Variants in KCTD16 observed in about 807,000 individuals in gnomAD.
KCTD16 encodes the protein BTB/POZ domain-containing protein KCTD16.
KCTD16 carries 13 observed loss-of-function variants against 33.2 expected under a neutral mutation model. That is an observed-to-expected ratio of 0.39 (90% CI 0.25 to 0.62). The LOEUF (loss-of-function observed/expected upper bound fraction) is 0.62. Among genes scored for constraint, KCTD16 ranks in the 20% least tolerant of loss-of-function variants. KCTD16 has a pLI of 0.50. For missense variants in KCTD16, 441 were observed against 525.1 expected (o/e 0.84, Z 1.57); for synonymous variants, 197 against 195.3 (o/e 1.01, Z -0.07).
At chr5:144,313,602 A>G (rs1751828372) in intron 3 of KCTD16, among the ~76,000 whole-genome samples, 1 of 152,208 alleles carries the variant, frequency 6.6e-6, no homozygotes, top group African/African-American at 2.4e-5. Flanking sequence ...TCTTTAATTT[A>G]ATGGCACTTA....
intron 3 of KCTD16, among the ~76,000 whole-genome samples, chr5:144,253,612 A>T (rs1246557438): frequency 6.6e-6 from 1 of 152,208 alleles, no homozygotes; most frequent in Non-Finnish European, 1.5e-5. Context: ...ACATGTGTCT[A>T]TAGAAAATAA....
At chr5:144,399,631 A>G (rs2126945108) in intron 3 of KCTD16, among the ~76,000 whole-genome samples, 1 of 152,356 alleles carries the variant, frequency 6.6e-6, no homozygotes, top group East Asian at 1.9e-4. Flanking sequence ...TAGTCCATGA[A>G]ATACATTCAT....
At chr5:144,297,149 C>T (rs893319189) in intron 3 of KCTD16, among the ~76,000 whole-genome samples, 1 of 152,218 alleles carries the variant, frequency 6.6e-6, no homozygotes, top group African/African-American at 2.4e-5. Flanking sequence ...TTGATTCTAG[C>T]TCCGCTTCTT....
chr5:144,209,763 A>T (rs1753307110), intron 3 of KCTD16, among the ~76,000 whole-genome samples: 1 of 149,138 alleles, frequency 6.7e-6, no homozygotes, highest in Non-Finnish European at 1.5e-5. Flanking sequence ...AAAGGAACTC[A>T]ACTTCCTCCT....
At chr5:144,354,884 A>G (rs1005637353) in intron 3 of KCTD16, among the ~76,000 whole-genome samples, 2 of 152,204 alleles carry the variant, frequency 1.3e-5, no homozygotes, top group Admixed American at 1.3e-4. Flanking sequence ...GTATTTGAAG[A>G]TATCATTAAT....
intron 2 of KCTD16, among the ~76,000 whole-genome samples, chr5:144,188,951 C>A (rs1752784627): frequency 6.6e-6 from 1 of 152,030 alleles, no homozygotes; most frequent in African/African-American, 2.4e-5. Context: ...AAAAGCAAGC[C>A]CTGTTGTCAT....
intron 3 of KCTD16, among the ~76,000 whole-genome samples, chr5:144,399,008 GT>G (rs11309474): frequency 0.012 from 1,787 of 152,232 alleles, 35 homozygotes; most frequent in African/African-American, 0.041. Context: ...AAGTACCAGA[GT>G]GAAACGGCAG....
At chr5:144,434,183 G>A (rs922517616) in intron 3 of KCTD16, among the ~76,000 whole-genome samples, 6 of 151,906 alleles carry the variant, frequency 3.9e-5, no homozygotes, top group African/African-American at 1.4e-4. Context: ...TTTATTGTTC[G>A]GACATAATTA....
chr5:144,358,696 G>A (rs946351111), intron 3 of KCTD16, among the ~76,000 whole-genome samples: 1 of 152,148 alleles, frequency 6.6e-6, no homozygotes, highest in African/African-American at 2.4e-5. Context: ...AGTTTGGGAG[G>A]ATGGGAAGTC....
chr5:144,339,719 C>A (rs1026172874), intron 3 of KCTD16, among the ~76,000 whole-genome samples: 1 of 152,176 alleles, frequency 6.6e-6, no homozygotes, highest in Non-Finnish European at 1.5e-5. Flanking sequence ...CCTTCCTCTC[C>A]TTCTTTCCCT....
intron 3 of KCTD16, among the ~76,000 whole-genome samples, chr5:144,459,524 A>G (rs1369698661): frequency 6.6e-6 from 1 of 151,554 alleles, no homozygotes; most frequent in Non-Finnish European, 1.5e-5. Flanking sequence ...TGATTTCTGT[A>G]TTTTTAGTAG....
At chr5:144,260,600 T>G (rs1389755974) in intron 3 of KCTD16, among the ~76,000 whole-genome samples, 1 of 152,188 alleles carries the variant, frequency 6.6e-6, no homozygotes, top group Non-Finnish European at 1.5e-5. Context: ...TAAAGTTGTT[T>G]ATTGCTTCCT....
intron 3 of KCTD16, among the ~76,000 whole-genome samples, chr5:144,311,257 C>T (rs1001667629): frequency 1.3e-5 from 2 of 152,094 alleles, no homozygotes; most frequent in African/African-American, 4.8e-5. Flanking sequence ...ACATTGTGCA[C>T]AAGTACTGTA....
At chr5:144,225,955 C>A (rs1180404661) in intron 3 of KCTD16, among the ~76,000 whole-genome samples, 5 of 152,184 alleles carry the variant, frequency 3.3e-5, no homozygotes, top group Admixed American at 3.3e-4. Context: ...AAAACTTATT[C>A]TTTATTTAAA....
intron 3 of KCTD16, among the ~76,000 whole-genome samples, chr5:144,328,113 T>G (rs1363224565): frequency 6.6e-6 from 1 of 152,084 alleles, no homozygotes; most frequent in African/African-American, 2.4e-5. Flanking sequence ...AGAGCAGTGC[T>G]TTTTATCTCA....
At chr5:144,322,657 A>G (rs1752104061) in intron 3 of KCTD16, among the ~76,000 whole-genome samples, 2 of 151,860 alleles carry the variant, frequency 1.3e-5, no homozygotes, top group Admixed American at 6.6e-5. Flanking sequence ...CAATCAAGAT[A>G]TTCTATATTT....
chr5:144,301,240 CAAAAA>C (rs5871873), intron 3 of KCTD16, among the ~76,000 whole-genome samples: 1 of 74,752 alleles, frequency 1.3e-5, no homozygotes, highest in Non-Finnish European at 2.7e-5. Context: ...GATTCCATCT[CAAAAA>C]AAAAAAAAAA....
At chr5:144,304,975 ATCT>A (rs1226423963) in intron 3 of KCTD16, among the ~76,000 whole-genome samples, 1 of 137,114 alleles carries the variant, frequency 7.3e-6, no homozygotes, top group Non-Finnish European at 1.5e-5. Flanking sequence ...GAATATCAAA[ATCT>A]TTTTTTTTTT....
chr5:144,299,268 CA>C (rs1482057642), intron 3 of KCTD16, among the ~76,000 whole-genome samples: 3 of 149,114 alleles, frequency 2.0e-5, no homozygotes. Context: ...ACCTTTTCCT[CA>C]AAAAGAACCA....
Sources: allele counts gnomAD v4.1 joint callset (sites outside exome capture counted in the v4.1 genomes callset), GRCh38; gene constraint gnomAD v4.1.1; transcripts MANE v1.5; gene names NCBI Gene and HGNC (gene_info 2026-07-23, HGNC 2026-07-21).